The following ZMPSTE24 variants were observed in gnomAD, a reference collection of about 807,000 sequenced individuals.
ZMPSTE24 encodes zinc metallopeptidase STE24.
In ZMPSTE24, 48 loss-of-function variants were observed where a neutral mutation model predicts 56.7. That is an observed-to-expected ratio of 0.85 (90% CI 0.67 to 1.08). ZMPSTE24 has a LOEUF of 1.08. Among genes scored for constraint, ZMPSTE24 ranks in the 50% least tolerant of loss-of-function variants. ZMPSTE24 has a pLI of 0.00. For synonymous variants in ZMPSTE24, 172 were observed against 195.2 expected (o/e 0.88, Z 0.99); for missense variants, 503 against 548.7 (o/e 0.92, Z 0.83).
rs145639744 is a variant in ZMPSTE24, at chr1:40,270,041, G to A, written c.541G>A (p.Val181Met). The A allele has an allele frequency of 6.2e-7, 1 of 1,613,928 alleles. No homozygotes were observed. The highest frequency in any genetic ancestry group is 8.5e-7 in the Non-Finnish European group (1 of 1,179,958). The change falls in exon 5 of 10, where the codon GTG becomes ATG. Residue 181 changes from valine to methionine, a missense_variant. Coordinates refer to ENST00000372759, the MANE Select transcript of ZMPSTE24 (RefSeq NM_005857.5). ...TGTGACTCAGTGTATTTTGTTGCCT[G>A]TGTCTTCACTTCTACTTTACATTAT... ...FVVTQCILLPVSSLLLYIIKI... is the reference protein window; with the variant it reads ...FVVTQCILLPMSSLLLYIIKI...
In ZMPSTE24 at chr1:40,290,751, C is replaced by G; in HGVS notation, c.1060-103C>G. Reference sequence around the variant, plus strand: ...TGCTGGGATTACAGGCGTGAGCCACCGCGCCCGGCCACACTGTGATTTCTT... The same window carrying G: ...TGCTGGGATTACAGGCGTGAGCCACGGCGCCCGGCCACACTGTGATTTCTT... On this transcript the variant is annotated intron_variant, in intron 8 of 9. Transcript: ENST00000372759. The G allele has an allele frequency of 4.2e-6, 6 of 1,442,172 alleles. No individual in the cohort carries two copies. In the South Asian group the frequency reaches 7.1e-5, roughly 17 times the overall value. The allele number at this position is 1,442,172 out of a possible 1,614,324, so 89.3% of individuals were successfully genotyped here.
intron 2 of ZMPSTE24, among the ~76,000 whole-genome samples, chr1:40,263,486 CT>C (rs1474938111): frequency 6.6e-6 from 1 of 152,172 alleles, no homozygotes. Flanking sequence ...CTCTGTTCTG[CT>C]GAGTCTTTAA....
intron 8 of ZMPSTE24, among the ~76,000 whole-genome samples, chr1:40,290,131 C>G (rs1485826254): frequency 1.3e-5 from 2 of 152,030 alleles, no homozygotes; most frequent in African/African-American, 2.4e-5. Context: ...TGCCTGTAAT[C>G]CCAGCACTTT....
At chr1:40,284,326 C>T (rs1001763208) in intron 7 of ZMPSTE24, among the ~76,000 whole-genome samples, 1 of 151,922 alleles carries the variant, frequency 6.6e-6, no homozygotes, top group African/African-American at 2.4e-5. Context: ...TTCTTAGGTG[C>T]AATGTCTTAA....
At chr1:40,275,145 C>T (rs1029342674) in intron 6 of ZMPSTE24, among the ~76,000 whole-genome samples, 11 of 151,554 alleles carry the variant, frequency 7.3e-5, no homozygotes, top group African/African-American at 1.2e-4. Flanking sequence ...TTGGACCAGG[C>T]GCAGTGGCTT....
intron 6 of ZMPSTE24, among the ~76,000 whole-genome samples, chr1:40,273,566 A>ATATG (rs1643637898): frequency 7.9e-6 from 1 of 126,582 alleles, no homozygotes; most frequent in South Asian, 2.6e-4. Flanking sequence ...ATATATATAT[A>ATATG]TATGTCAGAC....
chr1:40,261,069 T>C, intron 2 of ZMPSTE24, 84 bp downstream of exon 2: 4 of 1,517,936 alleles, frequency 2.6e-6, no homozygotes, highest in Non-Finnish European at 3.7e-6. Flanking sequence ...GGTACCACAC[T>C]TACAAGTCCC....
chr1:40,275,998 C>T (rs989234497), intron 6 of ZMPSTE24, among the ~76,000 whole-genome samples: 2 of 152,058 alleles, frequency 1.3e-5, no homozygotes, highest in African/African-American at 2.4e-5. Flanking sequence ...ATTCAGAATC[C>T]CTAAGGGGCA....
At chr1:40,270,722 C>T (rs567104979) in intron 5 of ZMPSTE24, among the ~76,000 whole-genome samples, 3 of 152,234 alleles carry the variant, frequency 2.0e-5, no homozygotes, top group South Asian at 2.1e-4. Context: ...TTTTCCCTCT[C>T]ACTCTTTTCC....
chr1:40,277,235 G>A (rs1643679479), intron 6 of ZMPSTE24, among the ~76,000 whole-genome samples: 1 of 151,906 alleles, frequency 6.6e-6, no homozygotes, highest in Admixed American at 6.6e-5. Context: ...ACAGGCGCCC[G>A]CCAGCACACC....
chr1:40,284,002 G>A lies in ZMPSTE24; in HGVS notation c.955-1923G>A, dbSNP rs370141649. Among the ~76,000 whole-genome samples, 11 of 147,546 alleles carry A rather than the reference G, an allele frequency of 7.5e-5. 1 individual carries two copies. The highest frequency in any genetic ancestry group is 4.0e-4 in the East Asian group (2 of 5,052). On this transcript the variant is annotated intron_variant, in intron 7 of 9. Coordinates refer to ENST00000372759, the MANE Select transcript of ZMPSTE24 (RefSeq NM_005857.5). ...CGCCCAGGCTGGAGTGCAGTGGCGC[G>A]ATCTCAGCTCATTGCAACCTCCTCC...
chr1:40,289,344 T>G (rs891208884), intron 8 of ZMPSTE24, among the ~76,000 whole-genome samples: 2 of 152,210 alleles, frequency 1.3e-5, no homozygotes, highest in African/African-American at 4.8e-5. Flanking sequence ...GATCACAGTA[T>G]CCCATGGCCA....
chr1:40,278,145 A>G (rs557196846), intron 6 of ZMPSTE24, among the ~76,000 whole-genome samples: 2 of 152,300 alleles, frequency 1.3e-5, no homozygotes, highest in South Asian at 4.1e-4. Context: ...TCAAAGTTTT[A>G]CTACTAAACA....
chr1:40,280,934 C>T (rs190982948), intron 6 of ZMPSTE24, among the ~76,000 whole-genome samples: 1 of 152,190 alleles, frequency 6.6e-6, no homozygotes, highest in African/African-American at 2.4e-5. Context: ...CAACCTAATA[C>T]ATGCACATTT....
chr1:40,275,217 C>T (rs377201513), intron 6 of ZMPSTE24, among the ~76,000 whole-genome samples: 2 of 139,082 alleles, frequency 1.4e-5, no homozygotes, highest in East Asian at 4.2e-4. Context: ...GTCAGAAATT[C>T]GAGACAAGCC....
In ZMPSTE24 at chr1:40,276,915, C is replaced by T. The variant is rs182303254; in HGVS notation, c.770-4428C>T. ...GATAGTGTGCTCTGCTACAACATTA[C>T]GGTGGCTATGAGGTCACTAGGTGAT... On this transcript the variant is annotated intron_variant, in intron 6 of 9. Transcript: ENST00000372759. Among the ~76,000 whole-genome samples, 6 of 152,218 alleles carry T rather than the reference C, an allele frequency of 3.9e-5. No individual in the cohort carries two copies. In the East Asian group the frequency reaches 1.2e-3, roughly 29 times the overall value.
chr1:40,260,894 A>T lies in ZMPSTE24; in HGVS notation c.179A>T (p.Asp60Val). 2 of 1,614,152 alleles carry T rather than the reference A, an allele frequency of 1.2e-6. No individual in the cohort carries two copies. Among genetic ancestry groups the T allele is most frequent in the Non-Finnish European group, 1.7e-6 (2 of 1,179,986 alleles). ...CCACCGGAGTTAGGACAGATCATGG[A>T]TTCTGAAACATTTGAGAAATCTCGA... ...HVPPELGQIM[D>V]SETFEKSRLY... The change falls in exon 2 of 10, where the codon GAT (aspartate) becomes GTT (valine). Residue 60 changes from aspartate (D) to valine (V), a missense_variant. Transcript: ENST00000372759.
At chr1:40,268,779 A>T (rs1643582222) in intron 4 of ZMPSTE24, among the ~76,000 whole-genome samples, 1 of 149,648 alleles carries the variant, frequency 6.7e-6, no homozygotes, top group Non-Finnish European at 1.5e-5. Flanking sequence ...CACTGATTTT[A>T]AAAAAAAAAT....
intron 1 of ZMPSTE24, among the ~76,000 whole-genome samples, chr1:40,260,398 ATC>A (rs1216577144): frequency 6.6e-6 from 1 of 152,062 alleles, no homozygotes; most frequent in Non-Finnish European, 1.5e-5. Flanking sequence ...ATATGTTTCC[ATC>A]TGGTGATCCT....
Sources: allele counts gnomAD v4.1 joint callset (sites outside exome capture counted in the v4.1 genomes callset), GRCh38; gene constraint gnomAD v4.1.1; transcripts MANE v1.5; gene names NCBI Gene and HGNC (gene_info 2026-07-23, HGNC 2026-07-21).